Variants in BANK1 observed in about 807,000 individuals in gnomAD.
BANK1 encodes B cell scaffold protein with ankyrin repeats 1.
In BANK1, 95 loss-of-function variants were observed where a neutral mutation model predicts 94.5. That is an observed-to-expected ratio of 1.00 (90% CI 0.85 to 1.19). The LOEUF (loss-of-function observed/expected upper bound fraction) is 1.19. Among genes scored for constraint, BANK1 ranks in the 50% most tolerant of loss-of-function variants. The pLI, the probability that BANK1 is intolerant of heterozygous loss-of-function variation, is 0.00. For synonymous variants in BANK1, 334 were observed against 308.4 expected (o/e 1.08, Z -0.87); for missense variants, 987 against 932.2 (o/e 1.06, Z -0.77).
At chr4:101,901,204 A>G (rs529714999) in intron 6 of BANK1, among the ~76,000 whole-genome samples, 1 of 152,222 alleles carries the variant, frequency 6.6e-6, no homozygotes, top group Non-Finnish European at 1.5e-5. Context: ...CTCAGTACCA[A>G]TAGGTATTAT....
chr4:101,990,139 T>G (rs1440957472), intron 7 of BANK1, among the ~76,000 whole-genome samples: 1 of 152,186 alleles, frequency 6.6e-6, no homozygotes, highest in East Asian at 1.9e-4. Flanking sequence ...GACTATGACT[T>G]TAGAGAATAT....
At chr4:101,888,615 T>C (rs1004939752) in intron 5 of BANK1, among the ~76,000 whole-genome samples, 2 of 152,250 alleles carry the variant, frequency 1.3e-5, no homozygotes, top group Admixed American at 1.3e-4. Context: ...TACCACTTAT[T>C]AGCTCTGCCA....
At chr4:102,044,089 G>C (rs925926236) in intron 11 of BANK1, among the ~76,000 whole-genome samples, 182 bp downstream of exon 11, 7 of 151,958 alleles carry the variant, frequency 4.6e-5, no homozygotes, top group African/African-American at 1.5e-4. Flanking sequence ...GTGCAAGTTA[G>C]TTACATATGT....
intron 5 of BANK1, among the ~76,000 whole-genome samples, chr4:101,875,651 A>G (rs966161297): frequency 2.0e-5 from 3 of 152,136 alleles, no homozygotes; most frequent in African/African-American, 7.2e-5. Context: ...ATTCAAGATG[A>G]GATTTGGGTG....
intron 1 of BANK1, among the ~76,000 whole-genome samples, chr4:101,806,704 T>C (rs530372101): frequency 2.3e-4 from 35 of 152,282 alleles, no homozygotes; most frequent in African/African-American, 7.7e-4. Context: ...GAGATGAAAA[T>C]AGCTTTTGCT....
intron 11 of BANK1, among the ~76,000 whole-genome samples, chr4:102,056,281 A>G (rs1038631479): frequency 6.6e-6 from 1 of 152,178 alleles, no homozygotes; most frequent in Admixed American, 6.5e-5. Context: ...TTATGAGTCT[A>G]TGCCAACCAA....
intron 7 of BANK1, among the ~76,000 whole-genome samples, chr4:101,973,769 G>A (rs1725033218): frequency 6.6e-6 from 1 of 151,990 alleles, no homozygotes; most frequent in African/African-American, 2.4e-5. Context: ...GGAAACAAAA[G>A]TAATATTATC....
At chr4:101,807,371 T>C (rs1418093918) in intron 1 of BANK1, among the ~76,000 whole-genome samples, 2 of 152,008 alleles carry the variant, frequency 1.3e-5, no homozygotes, top group Non-Finnish European at 2.9e-5. Flanking sequence ...GTTGAAAAAA[T>C]TATAGCTAAG....
chr4:101,792,469 GT>G (rs5860691), intron 1 of BANK1, among the ~76,000 whole-genome samples: 11,177 of 97,420 alleles, frequency 0.11, 578 homozygotes, highest in East Asian at 0.29. Context: ...GTGTGTGTGT[GT>G]TTTTTTTTTT....
At chr4:101,937,795 T>G (rs944281313) in intron 7 of BANK1, among the ~76,000 whole-genome samples, 2 of 151,898 alleles carry the variant, frequency 1.3e-5, no homozygotes, top group Admixed American at 6.6e-5. Flanking sequence ...CACACATATG[T>G]TTACTGCAGC....
At chr4:101,969,798 G>A (rs779514950) in intron 7 of BANK1, among the ~76,000 whole-genome samples, 4 of 151,906 alleles carry the variant, frequency 2.6e-5, no homozygotes, top group South Asian at 2.1e-4. Context: ...GTGTTCCCCC[G>A]CTCCACACCA....
At chr4:101,902,535 T>C (rs1722320123) in intron 6 of BANK1, among the ~76,000 whole-genome samples, 2 of 152,254 alleles carry the variant, frequency 1.3e-5, no homozygotes, top group African/African-American at 4.8e-5. Flanking sequence ...TGATTTAATC[T>C]ATACTTACTA....
At chr4:102,055,093 A>C (rs1728182387) in intron 11 of BANK1, among the ~76,000 whole-genome samples, 1 of 152,122 alleles carries the variant, frequency 6.6e-6, no homozygotes, top group Admixed American at 6.5e-5. Flanking sequence ...CAAGTGATAA[A>C]TAAAAAGTAA....
At chr4:101,937,640 G>A (rs1723613360) in intron 7 of BANK1, among the ~76,000 whole-genome samples, 1 of 151,854 alleles carries the variant, frequency 6.6e-6, no homozygotes, top group Non-Finnish European at 1.5e-5. Flanking sequence ...TACTGTTGAT[G>A]GAAATGTAAA....
intron 7 of BANK1, among the ~76,000 whole-genome samples, chr4:101,982,545 T>G (rs1725355458): frequency 6.6e-6 from 1 of 152,042 alleles, no homozygotes; most frequent in African/African-American, 2.4e-5. Context: ...TAGATTCTCT[T>G]TAACACATAT....
At chr4:102,030,334 G>A (rs1253619378) in intron 10 of BANK1, 69 bp downstream of exon 10, 1 of 1,420,930 alleles carries the variant, frequency 7.0e-7, no homozygotes, top group Non-Finnish European at 9.5e-7. Context: ...GGGAGGAGGG[G>A]ATAAGGTGAT....
intron 7 of BANK1, among the ~76,000 whole-genome samples, chr4:102,001,927 A>G (rs1285829161): frequency 1.3e-5 from 2 of 152,230 alleles, no homozygotes; most frequent in African/African-American, 4.8e-5. Flanking sequence ...TAATTCATAC[A>G]GTGTGGTAAA....
At chr4:102,036,682 C>T (rs929507782) in intron 10 of BANK1, 5 of 152,128 alleles carry the variant, frequency 3.3e-5, no homozygotes, top group South Asian at 2.1e-4. Context: ...TTATTCTGAC[C>T]TGTGTTCATA....
intron 2 of BANK1, among the ~76,000 whole-genome samples, chr4:101,845,679 A>G (rs1002630990): frequency 1.2e-4 from 18 of 152,232 alleles, no homozygotes; most frequent in South Asian, 2.1e-4. Flanking sequence ...TCCTTGTGAG[A>G]TATTTCAGTG....
Sources: gnomAD v4.1 joint callset for allele counts (sites outside exome capture counted in the v4.1 genomes callset) on GRCh38, gnomAD v4.1.1 for gene constraint, MANE v1.5 for transcripts, NCBI Gene and HGNC (gene_info 2026-07-23, HGNC 2026-07-21) for gene names.